The following EMSY variants were observed in gnomAD, a reference collection of about 807,000 sequenced individuals.
EMSY encodes EMSY transcriptional repressor, BRCA2 interacting.
A neutral mutation model predicts 134.6 loss-of-function variants in EMSY; 26 were observed. The observed-to-expected ratio is 0.19, with a 90% CI of 0.14 to 0.27. The LOEUF is 0.27. Ranked by LOEUF, EMSY falls within the 10% of genes least tolerant of loss-of-function variation. The probability of loss-of-function intolerance (pLI) is 1.00; values close to 1 mark genes in which losing one functional copy is unlikely to be tolerated. For missense variants in EMSY, 1,305 were observed against 1,611.4 expected, an observed-to-expected ratio of 0.81 and a Z score of 3.26; for synonymous variants, 579 against 577.8, an observed-to-expected ratio of 1.00 and a Z score of -0.03.
At chr11:76,468,955 C>T (rs1338624818) in intron 7 of EMSY, among the ~76,000 whole-genome samples, 3 of 152,032 alleles carry the variant, frequency 2.0e-5, no homozygotes, top group Non-Finnish European at 2.9e-5. Context: ...GGTTTTAAAC[C>T]CCTATACTTC....
chr11:76,505,156 C>T (rs560389541), intron 9 of EMSY, among the ~76,000 whole-genome samples: 1 of 152,124 alleles, frequency 6.6e-6, no homozygotes, highest in East Asian at 1.9e-4. Context: ...TCATTGAATG[C>T]TTAGTCAATT....
At chr11:76,493,817 G>T (rs1402347850) in intron 8 of EMSY, among the ~76,000 whole-genome samples, 1 of 152,214 alleles carries the variant, frequency 6.6e-6, no homozygotes, top group African/African-American at 2.4e-5. Context: ...AAGAACTGGA[G>T]ACCCGCCAAA....
chr11:76,493,697 AGCT>A (rs1156692394), intron 8 of EMSY, among the ~76,000 whole-genome samples: 1 of 152,174 alleles, frequency 6.6e-6, no homozygotes, highest in Non-Finnish European at 1.5e-5. Flanking sequence ...TGTAGAAAGG[AGCT>A]ACTCGCTTCG....
intron 3 of EMSY, among the ~76,000 whole-genome samples, chr11:76,452,920 T>C (rs1376303987): frequency 6.6e-6 from 1 of 152,140 alleles, no homozygotes; most frequent in East Asian, 1.9e-4. Context: ...TAGAAAACTT[T>C]CTTGTAAGTG....
At chr11:76,480,355 A>G (rs538498228) in intron 8 of EMSY, among the ~76,000 whole-genome samples, 1 of 152,188 alleles carries the variant, frequency 6.6e-6, no homozygotes, top group South Asian at 2.1e-4. Context: ...ACAAAAAAGC[A>G]TGTATTACTA....
chr11:76,452,882 A>G (rs892834896), intron 3 of EMSY, among the ~76,000 whole-genome samples: 9 of 152,184 alleles, frequency 5.9e-5, no homozygotes, highest in African/African-American at 2.2e-4. Context: ...ACATTAAATT[A>G]TAGACTCCTA....
chr11:76,447,086 TG>T (rs1947447551), intron 2 of EMSY, 78 bp downstream of exon 2: 3 of 1,342,298 alleles, frequency 2.2e-6, no homozygotes, highest in Middle Eastern at 1.9e-4. Context: ...GCTGTTTGCA[TG>T]GATGTCATAT....
intron 20 of EMSY, among the ~76,000 whole-genome samples, chr11:76,548,585 G>A (rs1029533717): frequency 9.9e-5 from 15 of 152,152 alleles, no homozygotes; most frequent in African/African-American, 3.1e-4. Flanking sequence ...TTAATGTGGG[G>A]CTCAAAGAAG....
rs1260332186 is a variant in EMSY, at chr11:76,523,385, A to G, written c.1821+94A>G. 16 of 1,389,158 alleles carry G rather than the reference A, an allele frequency of 1.2e-5. No individual in the cohort carries two copies. In the African/African-American group the frequency reaches 1.6e-4, roughly 14 times the overall value. The allele number at this position is 1,389,158 out of a possible 1,614,324, so 86.1% of individuals were successfully genotyped here. A position where few individuals can be genotyped will look rare whatever the true frequency, so the allele number is the denominator to read the frequency against. ...TGCACAAGGACTTGAGAAGCCCACAATAGCCAGAATGGCTTGGTTTACCAC... is the reference window on the plus strand; with the variant it reads ...TGCACAAGGACTTGAGAAGCCCACAGTAGCCAGAATGGCTTGGTTTACCAC... On this transcript the variant is annotated intron_variant, in intron 12 of 20. Transcript: ENST00000334736.
chr11:76,528,391 C>A, exon 14 of EMSY: 1 of 1,612,450 alleles, frequency 6.2e-7, no homozygotes, highest in Non-Finnish European at 8.5e-7. Flanking sequence ...TTCATCTATT[C>A]AGGAAGGAAA....
Position 76,536,148 on chromosome 11 carries a change from ACTATTAT to A in EMSY, c.2359+90_2359+96del, listed in dbSNP as rs558311764. 360 of 834,834 alleles carry A rather than the reference ACTATTAT, an allele frequency of 4.3e-4. 5 individuals are homozygous for A. The South Asian group carries it at 0.017, about 39-fold the overall frequency. 51.7% of individuals were successfully genotyped at this position (834,834 alleles called of 1,614,324 possible). A position where few individuals can be genotyped will look rare whatever the true frequency, so the allele number is the denominator to read the frequency against. On this transcript the variant is annotated intron_variant, in intron 15 of 20. Transcript: ENST00000334736. ...ACTACCACTGTTATTATTTATTATT[ACTATTAT>A]TTATTATTATTATTGCTATTATTTG...
chr11:76,446,809 T>A, intron 1 of EMSY, 91 bp from the exon 2 acceptor site: 1 of 744,774 alleles, frequency 1.3e-6, no homozygotes, highest in South Asian at 1.9e-5. Context: ...TTTGGTTTAC[T>A]TCTTAGCCTG....
intron 8 of EMSY, among the ~76,000 whole-genome samples, chr11:76,493,178 C>T (rs1313611581): frequency 6.6e-6 from 1 of 152,210 alleles, no homozygotes; most frequent in Non-Finnish European, 1.5e-5. Flanking sequence ...GTGCTGTTGC[C>T]ACCCAGCTGG....
At chr11:76,520,056 T>G (rs541329529) in intron 11 of EMSY, among the ~76,000 whole-genome samples, 33 of 151,854 alleles carry the variant, frequency 2.2e-4, no homozygotes, top group Non-Finnish European at 4.6e-4. Context: ...AGAGGGTGAC[T>G]TTTTTTTAAT....
intron 8 of EMSY, among the ~76,000 whole-genome samples, chr11:76,486,915 T>C (rs570929178): frequency 7.7e-4 from 118 of 152,346 alleles, no homozygotes; most frequent in African/African-American, 2.8e-3. Flanking sequence ...TGTTCATTTA[T>C]AACAGAATAA....
At chr11:76,481,335 G>A (rs765292392) in intron 8 of EMSY, among the ~76,000 whole-genome samples, 5 of 152,064 alleles carry the variant, frequency 3.3e-5, no homozygotes, top group African/African-American at 4.8e-5. Flanking sequence ...GAGCCACCAC[G>A]CCCGGCCAGG....
exon 5 of EMSY, chr11:76,458,193 C>T: frequency 6.2e-7 from 1 of 1,612,826 alleles, no homozygotes; most frequent in Non-Finnish European, 8.5e-7. Flanking sequence ...TATGTCTGGA[C>T]CTAATAGCTC....
intron 5 of EMSY, 79 bp from the exon 7 acceptor site, chr11:76,459,854 C>T (rs960105984): frequency 5.2e-6 from 8 of 1,524,964 alleles, no homozygotes; most frequent in African/African-American, 1.4e-5. Context: ...TAAAATTGGC[C>T]TGCAATAAAA....
chr11:76,496,475 T>C lies in EMSY; in HGVS notation c.1363+6T>C. ...CCAAATCAAACAGGAGTCAGGTAAC[T>C]GGAAAATGTTTATAAGATATGGTAA... On this transcript the variant is annotated splice_donor_region_variant and intron_variant, in intron 9 of 20. Coordinates refer to ENST00000334736, the Ensembl canonical transcript of EMSY. 1 of 1,613,704 alleles carries C rather than the reference T, an allele frequency of 6.2e-7. No individual in the cohort carries two copies. Among genetic ancestry groups the C allele is most frequent in the South Asian group, 1.1e-5 (1 of 91,064 alleles).
Sources: gnomAD v4.1 joint callset for allele counts (sites outside exome capture counted in the v4.1 genomes callset) on GRCh38, gnomAD v4.1.1 for gene constraint, MANE v1.5 for transcripts, NCBI Gene and HGNC (gene_info 2026-07-23, HGNC 2026-07-21) for gene names.